The following CC2D1A variants were observed in gnomAD, a reference collection of about 807,000 sequenced individuals.
The protein encoded by CC2D1A is coiled-coil and C2 domain containing 1A, also known as coiled-coil and C2 domain-containing protein 1A.
CC2D1A carries 68 observed loss-of-function variants against 123.8 expected under a neutral mutation model. The observed-to-expected ratio is 0.55, with a 90% CI of 0.45 to 0.67. CC2D1A has a LOEUF of 0.67. Among genes scored for constraint, CC2D1A ranks in the 30% least tolerant of loss-of-function variants. The pLI, the probability that CC2D1A is intolerant of heterozygous loss-of-function variation, is 0.00. For missense variants in CC2D1A, 1,185 were observed against 1,290.3 expected (o/e 0.92, Z 1.25); for synonymous variants, 477 against 528.0 (o/e 0.90, Z 1.32).
intron 14 of CC2D1A, among the ~76,000 whole-genome samples, chr19:13,922,014 T>C (rs1395355513): frequency 6.6e-6 from 1 of 152,198 alleles, no homozygotes; most frequent in Non-Finnish European, 1.5e-5. Context: ...TGTTTTGTTT[T>C]GTTTTGAGAC....
chr19:13,918,293 C>A, intron 7 of CC2D1A, 99 bp downstream of exon 7: 1 of 1,364,594 alleles, frequency 7.3e-7, no homozygotes, highest in Non-Finnish European at 9.8e-7. Flanking sequence ...AGCTTGGTCA[C>A]TCCCTAGCAA....
At chr19:13,911,512 C>CTGGGGTTT (rs1424304287) in intron 2 of CC2D1A, among the ~76,000 whole-genome samples, 2 of 150,214 alleles carry the variant, frequency 1.3e-5, no homozygotes. Flanking sequence ...AGTTGCAGAG[C>CTGGGGTTT]TGGGGTTTTT....
chr19:13,913,217 G>A lies in CC2D1A; in HGVS notation c.428G>A (p.Arg143Lys), dbSNP rs747247080. 1 of 1,613,416 alleles carries A rather than the reference G, an allele frequency of 6.2e-7. No individual in the cohort carries two copies. Among genetic ancestry groups the A allele is most frequent in the South Asian group, 1.1e-5 (1 of 91,046 alleles). Reference protein sequence around the residue: ...HPGLETTLQERLALYQTAIES... With the variant: ...HPGLETTLQEKLALYQTAIES... ...GGGCTGGAGACCACCTTGCAGGAGA[G>A]GCTGGCGCTCTATCAGACAGCAATT... is the stretch of plus-strand genomic sequence containing the variant. Residue 143 changes from arginine to lysine, a missense_variant, in exon 5 of 29, where the codon AGG becomes AAG. Arg to Lys is a conservative substitution (Grantham distance 26, BLOSUM62 2). Coordinates refer to ENST00000318003, the MANE Select transcript of CC2D1A (RefSeq NM_017721.5).
At chr19:13,916,063 C>T (rs1971194397) in intron 6 of CC2D1A, among the ~76,000 whole-genome samples, 1 of 151,928 alleles carries the variant, frequency 6.6e-6, no homozygotes, top group East Asian at 1.9e-4. Context: ...CAAGACCAGC[C>T]CTGGCCAACA....
chr19:13,923,868 G>T lies in CC2D1A; in HGVS notation c.1940+57G>T. The T allele has an allele frequency of 7.5e-7, 1 of 1,339,908 alleles. No individual in the cohort carries two copies. Among genetic ancestry groups the T allele is most frequent in the South Asian group, 1.2e-5 (1 of 84,888 alleles). 83.0% of individuals were successfully genotyped at this position (1,339,908 alleles called of 1,614,324 possible). ...GCCCCAGTGGCCCTTTGGTGGCGGT[G>T]GGGCGGGTTGTGCTCCCCAGAAGCT... On this transcript the variant is annotated intron_variant, in intron 17 of 28. Coordinates refer to ENST00000318003, the MANE Select transcript of CC2D1A (RefSeq NM_017721.5). The surrounding 1 kb of genome is among the most constrained non-coding windows in gnomAD (Gnocchi z 5.3).
At chr19:13,927,822 C>T in intron 22 of CC2D1A, 71 bp from the exon 23 acceptor site, 1 of 1,484,042 alleles carries the variant, frequency 6.7e-7, no homozygotes, top group Non-Finnish European at 9.2e-7. Flanking sequence ...GTCTTGTTCT[C>T]CCTTGTCCTG....
intron 17 of CC2D1A, among the ~76,000 whole-genome samples, chr19:13,925,049 G>A (rs1971544118): frequency 6.6e-6 from 1 of 152,052 alleles, no homozygotes; most frequent in Non-Finnish European, 1.5e-5. Flanking sequence ...GCTCCCTCTT[G>A]ACATCTAGAG....
intron 22 of CC2D1A, chr19:13,927,525 TC>T: frequency 2.0e-6 from 1 of 506,212 alleles, no homozygotes; most frequent in Non-Finnish European, 3.6e-6. Flanking sequence ...ATGCCTGTAA[TC>T]CCAGCACTTT....
At chr19:13,921,312 T>A (rs1301544976) in intron 14 of CC2D1A, among the ~76,000 whole-genome samples, 1 of 151,944 alleles carries the variant, frequency 6.6e-6, no homozygotes, top group African/African-American at 2.4e-5. Flanking sequence ...CTAAGTAACA[T>A]GGCCACATTT....
rs529368098 is a variant in CC2D1A, at chr19:13,920,878, A to G, written c.1597A>G (p.Met533Val). Reference protein sequence around the residue: ...HLRQAKGLEPMLEASRNGLPV... With the variant: ...HLRQAKGLEPVLEASRNGLPV... ...GCGCCAAGCCAAGGGACTGGAGCCT[A>G]TGCTGGAGGCCTCGCGCAATGGGCT... The change falls in exon 14 of 29, where the codon ATG (methionine) becomes GTG (valine). Residue 533 changes from methionine to valine, a missense_variant. Physicochemically the swap from Met to Val is conservative, Grantham distance 21. Transcript: ENST00000318003. 2.5e-4 allele frequency: 397 copies of G among 1,614,118 alleles called. 4 individuals are homozygous for G. The South Asian group carries it at 3.8e-3, about 15-fold the overall frequency.
Position 13,919,881 on chromosome 19 carries a change from T to C in CC2D1A, c.1286T>C (p.Leu429Pro). ...KPTQQSLVGV[L>P]ETAMKLANQD... ...ACCCAGCAGAGTCTGGTGGGTGTCC[T>C]GGAGACTGCCATGAAGCTGGCCAAC... The change falls in exon 12 of 29, where the codon CTG becomes CCG. Residue 429 changes from leucine to proline, a missense_variant. Transcript: ENST00000318003. 3 of 1,613,164 alleles carry C rather than the reference T, an allele frequency of 1.9e-6. No homozygotes were observed. Among genetic ancestry groups the C allele is most frequent in the Non-Finnish European group, 1.7e-6 (2 of 1,179,824 alleles).
At chr19:13,911,876 T>C (rs1971013092) in intron 2 of CC2D1A, among the ~76,000 whole-genome samples, 1 of 152,076 alleles carries the variant, frequency 6.6e-6, no homozygotes, top group South Asian at 2.1e-4. Context: ...CCAGCATGCC[T>C]GGCTAATTTT....
rs747959521 is a variant in CC2D1A at position 13,913,592 on chromosome 19, C to T, written c.702C>T (p.Thr234=). The T allele has an allele frequency of 1.1e-5, 18 of 1,613,182 alleles. No individual in the cohort carries two copies. The highest frequency in any genetic ancestry group is 8.0e-5 in the African/African-American group (6 of 74,944). Residue 234 remains threonine (T), a synonymous_variant, in exon 6 of 29, where the codon ACC becomes ACT. Coordinates refer to ENST00000318003, the MANE Select transcript of CC2D1A (RefSeq NM_017721.5). ...TCACCCTGGAGGGACCTTCTGCCAC[C>T]GCCCCAGCCTCATCTCCAGGCTTGG... ...PRVTLEGPSA[T]APASSPGLAK...
Position 13,930,308 on chromosome 19 carries a change from G to C in CC2D1A, c.2835+19G>C, listed in dbSNP as rs1287983959. ...GAGTGAGGTAAGCAGCTTAGGAGAT[G>C]GGGTGGTTGGGGGATCACTGTGGTC... is the stretch of plus-strand genomic sequence containing the variant. On this transcript the variant is annotated intron_variant, in intron 28 of 28. Transcript: ENST00000318003. The surrounding 1 kb of genome is among the most constrained non-coding windows in gnomAD (Gnocchi z 6.8). 6 of 1,613,906 alleles carry C rather than the reference G, an allele frequency of 3.7e-6. 1 individual carries two copies. The South Asian group carries it at 6.6e-5, about 18-fold the overall frequency.
chr19:13,929,487 T>A, intron 25 of CC2D1A, 45 bp downstream of exon 25: 4 of 1,611,478 alleles, frequency 2.5e-6, no homozygotes, highest in Non-Finnish European at 3.4e-6. Context: ...GACTGGGGAG[T>A]CTGCAGGCCC....
Position 13,924,576 on chromosome 19 carries a change from TCTC to T in CC2D1A, c.1940+768_1940+770del, listed in dbSNP as rs59245788. Among the ~76,000 whole-genome samples, 322 of 151,702 alleles carry T rather than the reference TCTC, an allele frequency of 2.1e-3. 1 individual carries two copies. The highest frequency in any genetic ancestry group is 7.5e-3 in the African/African-American group (311 of 41,316). On this transcript the variant is annotated intron_variant, in intron 17 of 28. Transcript: ENST00000318003. ...CCTCTGCCTCCCAGGTTCAAGCAAT[TCTC>T]CTGCCTCAGCCTCCCAAATAGCTGG...
intron 1 of CC2D1A, among the ~76,000 whole-genome samples, chr19:13,907,714 A>T (rs78863395): frequency 7.2e-5 from 11 of 152,188 alleles, no homozygotes; most frequent in South Asian, 4.1e-4. Flanking sequence ...ATAAATAAAT[A>T]AAAAATTAAA....
rs371021265 is a variant in CC2D1A, at chr19:13,913,457, G to A, written c.567G>A (p.Ala189=). ...GTAAGGGCAATGCCATTGACGAAGC[G>A]GACATCCCGCCGCCAGTGGCCATAG... is the stretch of plus-strand genomic sequence containing the variant. ...SIRKGNAIDE[A]DIPPPVAIGK... is the part of the protein sequence containing the mutation. Residue 189 remains alanine (A), a synonymous_variant, in exon 6 of 29, where the codon GCG becomes GCA. Transcript: ENST00000318003. 5.7e-5 allele frequency: 92 copies of A among 1,614,088 alleles called. No homozygotes were observed. Among genetic ancestry groups the A allele is most frequent in the South Asian group, 3.4e-4 (31 of 91,094 alleles).
At chr19:13,910,407 C>CAAAAAA (rs766322114) in intron 2 of CC2D1A, among the ~76,000 whole-genome samples, 5 of 40,840 alleles carry the variant, frequency 1.2e-4, no homozygotes, top group Non-Finnish European at 1.6e-4. Context: ...GACTCCGTCT[C>CAAAAAA]AAAAAAAAAA....
Sources: allele counts gnomAD v4.1 joint callset (sites outside exome capture counted in the v4.1 genomes callset), GRCh38; gene constraint gnomAD v4.1.1; non-coding constraint Gnocchi (gnomAD v3.1); transcripts MANE v1.5; gene names NCBI Gene and HGNC (gene_info 2026-07-23, HGNC 2026-07-21).